Variants in NCOA3 observed in about 807,000 individuals in gnomAD.
NCOA3 encodes CBP-interacting protein.
NCOA3 carries 51 observed loss-of-function variants against 158.8 expected under a neutral mutation model. The observed-to-expected ratio is 0.32, with a 90% CI of 0.26 to 0.41. The LOEUF is 0.41. NCOA3 is among the 10% of genes least tolerant of loss of function. The probability of loss-of-function intolerance (pLI) is 1.00; values close to 1 mark genes in which losing one functional copy is unlikely to be tolerated. For missense variants in NCOA3, 1,510 were observed against 1,746.6 expected (o/e 0.86, Z 2.41); for synonymous variants, 537 against 592.4 (o/e 0.91, Z 1.36).
At chr20:47,584,698 C>G (rs144614834) in intron 2 of NCOA3, among the ~76,000 whole-genome samples, 1 of 149,906 alleles carries the variant, frequency 6.7e-6, no homozygotes, top group Non-Finnish European at 1.5e-5. Context: ...GGTCTTCATT[C>G]TTTTCGTGAG....
chr20:47,650,376 G>C (rs751271642), intron 19 of NCOA3, among the ~76,000 whole-genome samples: 1 of 150,558 alleles, frequency 6.6e-6, no homozygotes, highest in African/African-American at 2.4e-5. Context: ...TCAGCCTCCT[G>C]AGTAGCTGGG....
intron 2 of NCOA3, among the ~76,000 whole-genome samples, chr20:47,615,995 T>A (rs1398593993): frequency 6.6e-6 from 1 of 151,618 alleles, no homozygotes; most frequent in African/African-American, 2.4e-5. Context: ...CCATCTCTAC[T>A]AAAAATAGAA....
At chr20:47,619,685 T>C (rs1273522786) in intron 2 of NCOA3, among the ~76,000 whole-genome samples, 1 of 151,766 alleles carries the variant, frequency 6.6e-6, no homozygotes, top group East Asian at 1.9e-4. Flanking sequence ...CAATGGATAG[T>C]TTGCCATTCA....
intron 2 of NCOA3, among the ~76,000 whole-genome samples, chr20:47,591,364 G>T (rs942969368): frequency 1.3e-5 from 2 of 152,182 alleles, no homozygotes; most frequent in Admixed American, 1.3e-4. Flanking sequence ...AAATTATCAA[G>T]ATTTAAAGGT....
intron 1 of NCOA3, among the ~76,000 whole-genome samples, chr20:47,530,168 C>T (rs1442108448): frequency 6.6e-6 from 1 of 152,162 alleles, no homozygotes; most frequent in Non-Finnish European, 1.5e-5. Context: ...TGGCCATAAA[C>T]ACTGAAATTG....
chr20:47,624,147 T>C (rs1162526142), intron 4 of NCOA3, 64 bp downstream of exon 4: 1 of 1,450,594 alleles, frequency 6.9e-7, no homozygotes, highest in Non-Finnish European at 9.3e-7. Context: ...CACCAGGGAC[T>C]GGTTTTGTGG....
chr20:47,600,895 G>C (rs1432471001), intron 2 of NCOA3, among the ~76,000 whole-genome samples: 1 of 151,662 alleles, frequency 6.6e-6, no homozygotes, highest in Non-Finnish European at 1.5e-5. Context: ...TACTGTAAAA[G>C]GTAATTTATT....
intron 1 of NCOA3, among the ~76,000 whole-genome samples, chr20:47,578,642 A>C (rs1037409477): frequency 6.6e-6 from 1 of 152,238 alleles, no homozygotes; most frequent in African/African-American, 2.4e-5. Flanking sequence ...AATAATCCCA[A>C]CTGCAAAAGT....
In NCOA3 at chr20:47,594,948, C is replaced by T. The variant is rs925340528; in HGVS notation, c.-20+11687C>T. 6.0e-5 allele frequency among the ~76,000 whole-genome samples: 9 copies of T among 150,554 alleles called. No homozygotes were observed. In the South Asian group the frequency reaches 1.5e-3, roughly 25 times the overall value. ...CTGGGATTACAGGCACCCGCCACCA[C>T]GACTGGCTAATTTTTGTATTTTTAG... On this transcript the variant is annotated intron_variant, in intron 2 of 22. Coordinates refer to ENST00000371998, the MANE Select transcript of NCOA3 (RefSeq NM_181659.3).
At chr20:47,580,109 G>T (rs140713198) in intron 1 of NCOA3, among the ~76,000 whole-genome samples, 166 of 152,240 alleles carry the variant, frequency 1.1e-3, no homozygotes, top group Non-Finnish European at 2.1e-3. Context: ...GTTAACATTT[G>T]GGTCCAAGGG....
chr20:47,530,027 G>T (rs1187787826), intron 1 of NCOA3, among the ~76,000 whole-genome samples: 1 of 152,194 alleles, frequency 6.6e-6, no homozygotes, highest in African/African-American at 2.4e-5. Flanking sequence ...CATTGCAACT[G>T]CAGTTGCACT....
rs67171920 is a variant in NCOA3 at position 47,603,841 on chromosome 20, G to A, written c.-19-18388G>A. On this transcript the variant is annotated intron_variant, in intron 2 of 22. Coordinates refer to ENST00000371998, the MANE Select transcript of NCOA3 (RefSeq NM_181659.3). ...TCTGTTTGTCTCCTTGTGGAGCCGG[G>A]GGCTTGGGGTTTATATGGGTACAGG... Among the ~76,000 whole-genome samples the A allele has an allele frequency of 5.0e-3, 755 of 152,252 alleles. 7 individuals carry two copies. Among genetic ancestry groups the A allele is most frequent in the African/African-American group, 0.017 (703 of 41,538 alleles).
chr20:47,605,088 G>A (rs539126992), intron 2 of NCOA3, among the ~76,000 whole-genome samples: 2 of 152,202 alleles, frequency 1.3e-5, no homozygotes, highest in South Asian at 4.1e-4. Flanking sequence ...GGATGGTCTC[G>A]ATCTCTTGAC....
At chr20:47,520,467 G>A in intron 1 of NCOA3, among the ~76,000 whole-genome samples, 1 of 152,192 alleles carries the variant, frequency 6.6e-6, no homozygotes. Context: ...TGAGAAGAAA[G>A]GAAAGGGGAG....
intron 4 of NCOA3, 134 bp from the exon 5 acceptor site, chr20:47,625,247 T>C (rs1199279179): frequency 1.6e-6 from 1 of 610,450 alleles, no homozygotes; most frequent in Admixed American, 3.0e-5. Context: ...ATCATTCTCT[T>C]ATGAGGAAAT....
intron 1 of NCOA3, among the ~76,000 whole-genome samples, chr20:47,532,755 G>A (rs1422796119): frequency 3.3e-5 from 5 of 152,046 alleles, no homozygotes; most frequent in Non-Finnish European, 7.4e-5. Flanking sequence ...TTATAGGTGT[G>A]AGCTATCATA....
intron 16 of NCOA3, 34 bp from the exon 17 acceptor site, chr20:47,642,179 G>T: frequency 6.8e-7 from 1 of 1,471,194 alleles, no homozygotes. Context: ...AAAAAAAAAA[G>T]CACCATTGAC....
At chr20:47,638,509 C>T (rs1056296052) in intron 13 of NCOA3, among the ~76,000 whole-genome samples, 5 of 152,092 alleles carry the variant, frequency 3.3e-5, no homozygotes, top group Admixed American at 6.5e-5. Context: ...GCATTATTTC[C>T]TAAACTAGAA....
rs1375001459 is a variant in NCOA3, at chr20:47,652,931, C to T, written c.4122C>T (p.Ser1374=). ...GWPSGNLARN[S]SFSQQQFAHQ... The stretch of plus-strand genomic sequence containing the variant: ...AATATTACCATTTGTTTACTTACAG[C>T]TCCTTTTCCCAGCAGCAGTTTGCCC... The change falls in exon 22 of 23, where the codon AGC becomes AGT. Residue 1374 remains serine (S), a splice_region_variant and synonymous_variant. Transcript: ENST00000371998. 9.3e-6 allele frequency: 15 copies of T among 1,614,074 alleles called. No homozygotes were observed. The highest frequency in any genetic ancestry group is 1.2e-5 in the Non-Finnish European group (14 of 1,179,966).
Sources: gnomAD v4.1 joint callset for allele counts (sites outside exome capture counted in the v4.1 genomes callset) on GRCh38, gnomAD v4.1.1 for gene constraint, MANE v1.5 for transcripts, NCBI Gene and HGNC (gene_info 2026-07-23, HGNC 2026-07-21) for gene names.